Variants in DCLK1 observed in about 807,000 individuals in gnomAD.
The protein encoded by DCLK1 is serine/threonine-protein kinase DCLK1.
DCLK1 carries 16 observed loss-of-function variants against 86.2 expected under a neutral mutation model. The observed-to-expected ratio is 0.19, with a 90% confidence interval of 0.13 to 0.28. The LOEUF (loss-of-function observed/expected upper bound fraction) is 0.28, where lower values mean the gene tolerates loss of function less well. Among genes scored for constraint, DCLK1 ranks in the 10% least tolerant of loss-of-function variants. DCLK1 has a pLI of 1.00. For missense variants in DCLK1, 590 were observed against 940.2 expected, an observed-to-expected ratio of 0.63 and a Z score of 4.87; for synonymous variants, 369 against 370.5, an observed-to-expected ratio of 1.00 and a Z score of 0.05.
At chr13:35,885,056 T>C (rs1873145480) in intron 4 of DCLK1, among the ~76,000 whole-genome samples, 2 of 152,054 alleles carry the variant, frequency 1.3e-5, no homozygotes, top group African/African-American at 2.4e-5. Flanking sequence ...GGCTCCTATA[T>C]AAAGGAAGCT....
At chr13:35,947,755 T>G (rs772583891) in intron 3 of DCLK1, among the ~76,000 whole-genome samples, 19 of 152,184 alleles carry the variant, frequency 1.2e-4, no homozygotes, top group Non-Finnish European at 2.6e-4. Context: ...ATAGAGGAGG[T>G]GCAGTGCCCC....
chr13:36,129,495 C>T (rs148441010), intron 1 of DCLK1, among the ~76,000 whole-genome samples: 2,335 of 152,302 alleles, frequency 0.015, 43 homozygotes, highest in Middle Eastern at 0.041. Context: ...TTCAAGGCTA[C>T]AGCTACCTCT....
intron 3 of DCLK1, among the ~76,000 whole-genome samples, chr13:36,034,993 T>G (rs1882430937): frequency 6.6e-6 from 1 of 152,152 alleles, no homozygotes; most frequent in African/African-American, 2.4e-5. Context: ...ATCAAACCAC[T>G]GTGGCTTCCT....
At chr13:35,941,409 C>T (rs1877074657) in intron 4 of DCLK1, among the ~76,000 whole-genome samples, 1 of 152,044 alleles carries the variant, frequency 6.6e-6, no homozygotes, top group Non-Finnish European at 1.5e-5. Flanking sequence ...TCTTGGGTAC[C>T]CAACACCATG....
At chr13:36,105,052 T>C (rs746081057) in intron 3 of DCLK1, among the ~76,000 whole-genome samples, 8 of 152,204 alleles carry the variant, frequency 5.3e-5, no homozygotes, top group Non-Finnish European at 1.2e-4. Flanking sequence ...TTATGAGGTA[T>C]GCATTATTAT....
chr13:36,117,831 C>T (rs1049005912), intron 2 of DCLK1, among the ~76,000 whole-genome samples: 27 of 152,040 alleles, frequency 1.8e-4, no homozygotes, highest in African/African-American at 6.5e-4. Context: ...AAGATTCCAC[C>T]ACAAGGCAGT....
chr13:35,858,889 C>T lies in DCLK1; in HGVS notation c.941-4296G>A, dbSNP rs1297809489. Among the ~76,000 whole-genome samples the T allele has an allele frequency of 5.9e-5, 9 of 152,292 alleles. No individual in the cohort carries two copies. The East Asian group carries it at 1.7e-3, about 29-fold the overall frequency. On this transcript the variant is annotated intron_variant, in intron 5 of 16. Transcript: ENST00000360631. ...GGTCAGAGCTCTGTTCAGACTCTTC[C>T]TCTTGGCCATACAGAAGAGCATTAG... is the stretch of plus-strand genomic sequence containing the variant.
At chr13:35,889,026 A>G (rs1424762037) in intron 4 of DCLK1, among the ~76,000 whole-genome samples, 3 of 152,236 alleles carry the variant, frequency 2.0e-5, no homozygotes, top group Non-Finnish European at 4.4e-5. Flanking sequence ...AGATGTATTT[A>G]TATAATTTTA....
At chr13:35,955,195 C>T (rs1877913365) in intron 3 of DCLK1, among the ~76,000 whole-genome samples, 1 of 151,958 alleles carries the variant, frequency 6.6e-6, no homozygotes, top group African/African-American at 2.4e-5. Flanking sequence ...TATTATCTAT[C>T]CTGTTTTTTT....
intron 15 of DCLK1, among the ~76,000 whole-genome samples, chr13:35,798,542 C>T (rs1247300556): frequency 6.6e-6 from 1 of 152,142 alleles, no homozygotes; most frequent in African/African-American, 2.4e-5. Context: ...TCCTGTTAAC[C>T]ATCCCCACCT....
chr13:36,002,885 A>G (rs909626546), intron 3 of DCLK1, among the ~76,000 whole-genome samples: 4 of 152,118 alleles, frequency 2.6e-5, no homozygotes, highest in African/African-American at 9.7e-5. Flanking sequence ...CACCATTTCA[A>G]CTCTAAGGAA....
At chr13:35,851,673 T>TTAA (rs1870652847) in intron 6 of DCLK1, among the ~76,000 whole-genome samples, 1 of 152,204 alleles carries the variant, frequency 6.6e-6, no homozygotes. Context: ...GTCAAATGCC[T>TTAA]GTAGACAGCA....
intron 3 of DCLK1, among the ~76,000 whole-genome samples, chr13:35,958,265 A>C: frequency 8.0e-6 from 1 of 124,632 alleles, no homozygotes; most frequent in East Asian, 2.6e-4. Flanking sequence ...CCACTACTAT[A>C]ACCATTACCA....
intron 3 of DCLK1, among the ~76,000 whole-genome samples, chr13:36,046,779 C>A (rs1413644964): frequency 6.6e-6 from 1 of 152,088 alleles, no homozygotes; most frequent in Non-Finnish European, 1.5e-5. Context: ...GAGACCAGAA[C>A]AACAGAATGA....
intron 7 of DCLK1, among the ~76,000 whole-genome samples, chr13:35,837,915 A>C (rs1050177619): frequency 2.6e-5 from 4 of 151,806 alleles, no homozygotes; most frequent in African/African-American, 9.7e-5. Context: ...AAAATACAAA[A>C]ATTAGCTGGG....
chr13:35,984,747 A>G (rs899905929), intron 3 of DCLK1, among the ~76,000 whole-genome samples: 4 of 151,732 alleles, frequency 2.6e-5, no homozygotes, highest in African/African-American at 7.3e-5. Context: ...ATTTTCTATC[A>G]TTCCCCTGAT....
At chr13:35,951,707 C>T (rs985916365) in intron 3 of DCLK1, among the ~76,000 whole-genome samples, 1 of 151,992 alleles carries the variant, frequency 6.6e-6, no homozygotes, top group African/African-American at 2.4e-5. Context: ...ATTCCTGTTG[C>T]AAATCAGTAA....
intron 3 of DCLK1, among the ~76,000 whole-genome samples, chr13:35,948,182 T>C (rs1877484997): frequency 6.6e-6 from 1 of 152,218 alleles, no homozygotes; most frequent in Admixed American, 6.5e-5. Flanking sequence ...GTAAATGTGA[T>C]CAAAATGAAT....
At chr13:35,843,735 G>C (rs1466049026) in intron 6 of DCLK1, among the ~76,000 whole-genome samples, 1 of 152,034 alleles carries the variant, frequency 6.6e-6, no homozygotes, top group Non-Finnish European at 1.5e-5. Context: ...TTTTATCTTG[G>C]CATACAATTA....
Sources: gnomAD v4.1 joint callset for allele counts (sites outside exome capture counted in the v4.1 genomes callset) on GRCh38, gnomAD v4.1.1 for gene constraint, MANE v1.5 for transcripts, NCBI Gene and HGNC (gene_info 2026-07-23, HGNC 2026-07-21) for gene names.